DOCK9: variants seen among roughly 807,000 people sequenced by gnomAD.
DOCK9 encodes dedicator of cytokinesis 9.
DOCK9 carries 89 observed loss-of-function variants against 263.3 expected under a neutral mutation model. The observed-to-expected ratio is 0.34, with a 90% CI of 0.28 to 0.40. The LOEUF (loss-of-function observed/expected upper bound fraction) is 0.40. Ranked by LOEUF, DOCK9 falls within the 10% of genes least tolerant of loss-of-function variation. DOCK9 has a pLI of 1.00. For synonymous variants in DOCK9, 976 were observed against 973.1 expected (o/e 1.00, Z -0.06); for missense variants, 2,140 against 2,603.4 (o/e 0.82, Z 3.87).
intron 1 of DOCK9, among the ~76,000 whole-genome samples, chr13:99,079,671 A>C (rs1251952508): frequency 1.3e-5 from 2 of 152,226 alleles, no homozygotes; most frequent in African/African-American, 4.8e-5. Context: ...GTCCTCAGCC[A>C]ATCAGTGGCA....
chr13:98,888,702 C>T lies in DOCK9; in HGVS notation c.1719G>A (p.Lys573=). Residue 573 remains lysine (K), a synonymous_variant, in exon 16 of 53, where the codon AAG becomes AAA. Coordinates refer to ENST00000682017, the MANE Select transcript of DOCK9 (RefSeq NM_001366683.2). ...CTAAAATCACTGGGAGCTTAGCCATCTTCTCAGGTCTGCAAACAAAAGAAG... is the reference window on the plus strand; with the variant it reads ...CTAAAATCACTGGGAGCTTAGCCATTTTCTCAGGTCTGCAAACAAAAGAAG... ...KLLADFRKPE[K]MAKLPVILGN... 1 of 1,613,456 alleles carries T rather than the reference C, an allele frequency of 6.2e-7. No individual in the cohort carries two copies. Among genetic ancestry groups the T allele is most frequent in the Non-Finnish European group, 8.5e-7 (1 of 1,179,698 alleles).
intron 6 of DOCK9, 110 bp from the exon 7 acceptor site, chr13:98,921,198 A>C: frequency 2.7e-6 from 3 of 1,101,018 alleles, no homozygotes; most frequent in Non-Finnish European, 3.8e-6. Flanking sequence ...TTCCGTTCTC[A>C]CTCTAGCTGA....
At chr13:98,954,155 T>C (rs933119739) in intron 2 of DOCK9, among the ~76,000 whole-genome samples, 2 of 152,126 alleles carry the variant, frequency 1.3e-5, no homozygotes, top group Non-Finnish European at 2.9e-5. Flanking sequence ...AGGCTTTTCA[T>C]GTCAATTATT....
chr13:98,957,323 T>A (rs905550417), intron 1 of DOCK9, among the ~76,000 whole-genome samples: 10 of 152,258 alleles, frequency 6.6e-5, no homozygotes, highest in African/African-American at 2.2e-4. Context: ...AGCAGTCAAC[T>A]TGCTTTGCCT....
intron 49 of DOCK9, among the ~76,000 whole-genome samples, chr13:98,804,119 CCCCA>C (rs1056436864): frequency 6.6e-6 from 1 of 152,202 alleles, no homozygotes; most frequent in Non-Finnish European, 1.5e-5. Flanking sequence ...AACTCAACAA[CCCCA>C]ACTTCCGGGG....
At chr13:99,040,493 T>C (rs552279830) in intron 1 of DOCK9, among the ~76,000 whole-genome samples, 3 of 152,296 alleles carry the variant, frequency 2.0e-5, no homozygotes, top group Admixed American at 1.3e-4. Context: ...GTCAGAAATA[T>C]ATAAATTTTA....
At chr13:98,975,093 T>C (rs1407563361) in intron 1 of DOCK9, among the ~76,000 whole-genome samples, 1 of 152,194 alleles carries the variant, frequency 6.6e-6, no homozygotes, top group Non-Finnish European at 1.5e-5. Context: ...ATTAAAATAA[T>C]GGCATAGGCC....
chr13:98,883,703 ATAGAG>A (rs1387151990), intron 22 of DOCK9, 105 bp downstream of exon 22: 1 of 637,358 alleles, frequency 1.6e-6, no homozygotes, highest in Admixed American at 3.3e-5. Context: ...AAAAAGATCT[ATAGAG>A]TAAAAATATA....
chr13:98,858,731 A>G (rs1348659976), intron 33 of DOCK9: 2 of 152,194 alleles, frequency 1.3e-5, no homozygotes, highest in Non-Finnish European at 2.9e-5. Flanking sequence ...AAAAAGGATT[A>G]AGTCAGTTTC....
intron 1 of DOCK9, among the ~76,000 whole-genome samples, chr13:98,973,134 T>C (rs1272901707): frequency 1.3e-5 from 2 of 152,242 alleles, no homozygotes; most frequent in Non-Finnish European, 2.9e-5. Context: ...TATTAAATAT[T>C]ATTGATGTAA....
chr13:98,833,840 C>A (rs764903864), intron 39 of DOCK9, among the ~76,000 whole-genome samples: 1 of 152,178 alleles, frequency 6.6e-6, no homozygotes, highest in Non-Finnish European at 1.5e-5. Flanking sequence ...TAGAAGGTAA[C>A]ATACACTAAA....
At chr13:99,024,278 A>G (rs1307273469) in intron 1 of DOCK9, among the ~76,000 whole-genome samples, 2 of 152,334 alleles carry the variant, frequency 1.3e-5, no homozygotes, top group African/African-American at 4.8e-5. Context: ...ACACTGGATG[A>G]AGAACAAGGA....
chr13:99,078,839 A>G (rs769655500), intron 1 of DOCK9, among the ~76,000 whole-genome samples: 1 of 152,216 alleles, frequency 6.6e-6, no homozygotes, highest in Non-Finnish European at 1.5e-5. Flanking sequence ...GACCAAAGTG[A>G]TAAAAGTAAT....
At chr13:98,874,756 T>C (rs1196821960) in intron 27 of DOCK9, among the ~76,000 whole-genome samples, 12 of 152,004 alleles carry the variant, frequency 7.9e-5, no homozygotes, top group Admixed American at 1.3e-4. Flanking sequence ...AGCAGACTTA[T>C]TGATATAAAA....
chr13:98,880,326 A>C (rs1383312927), intron 26 of DOCK9, among the ~76,000 whole-genome samples: 1 of 152,066 alleles, frequency 6.6e-6, no homozygotes, highest in Admixed American at 6.5e-5. Flanking sequence ...TGATTTGAAC[A>C]TAATGACTAT....
upstream of DOCK9, among the ~76,000 whole-genome samples, chr13:98,981,900 TCCTTTC>T (rs1877304455): frequency 6.6e-6 from 1 of 152,180 alleles, no homozygotes; most frequent in Non-Finnish European, 1.5e-5. Context: ...GGCCACATTT[TCCTTTC>T]CAACATTTCA....
chr13:98,962,911 C>T (rs1451320463), intron 1 of DOCK9, among the ~76,000 whole-genome samples: 2 of 152,156 alleles, frequency 1.3e-5, no homozygotes, highest in Admixed American at 1.3e-4. Flanking sequence ...ACTTCTGACC[C>T]CCTCCCATTA....
rs562110614 is a variant in DOCK9 at position 99,016,367 on chromosome 13, C to T, written c.130-60816G>A. On this transcript the variant is annotated intron_variant, in intron 1 of 32. Transcript: ENST00000427887. The stretch of plus-strand genomic sequence containing the variant: ...TGTCGATCTTGACTTCAGCCCACCT[C>T]TACTCTTTGCTAGAGAGGGCTAGCA... Among the ~76,000 whole-genome samples the T allele has an allele frequency of 2.0e-5, 3 of 152,332 alleles. No individual in the cohort carries two copies. In the East Asian group the frequency reaches 5.8e-4, roughly 29 times the overall value.
intron 7 of DOCK9, among the ~76,000 whole-genome samples, chr13:98,916,189 A>G (rs970821850): frequency 6.6e-6 from 1 of 152,340 alleles, no homozygotes; most frequent in Admixed American, 6.5e-5. Context: ...TCTCGGTACT[A>G]CTGACACTTG....
Sources: gnomAD v4.1 joint callset for allele counts (sites outside exome capture counted in the v4.1 genomes callset) on GRCh38, gnomAD v4.1.1 for gene constraint, MANE v1.5 for transcripts, NCBI Gene and HGNC (gene_info 2026-07-23, HGNC 2026-07-21) for gene names.